Variants in TRIM42 observed in about 807,000 individuals in gnomAD.
The protein encoded by TRIM42 is tripartite motif containing 42, also known as tripartite motif-containing protein 42.
Under a neutral mutation model 64.9 loss-of-function variants are expected in TRIM42, and 59 were observed. The observed-to-expected ratio is 0.91, with a 90% CI of 0.74 to 1.13. The LOEUF is 1.13. Ranked by LOEUF, TRIM42 falls within the 50% of genes most tolerant of loss-of-function variation. The pLI, the probability that TRIM42 is intolerant of heterozygous loss-of-function variation, is 0.00. For synonymous variants in TRIM42, 354 were observed against 346.3 expected (o/e 1.02, Z -0.25); for missense variants, 878 against 929.5 (o/e 0.94, Z 0.72).
Position 140,684,120 on chromosome 3 carries a change from G to T in TRIM42, c.1039+961G>T, listed in dbSNP as rs547135675. Among the ~76,000 whole-genome samples, 18 of 152,212 alleles carry T rather than the reference G, an allele frequency of 1.2e-4. 1 individual carries two copies. The South Asian group carries it at 2.7e-3, about 23-fold the overall frequency. ...ATAAAGGTCCACTTTACTCAGGCCT[G>T]TGGAGCACATTTTGTCTAATCTCAA... On this transcript the variant is annotated intron_variant, in intron 2 of 4. Coordinates refer to ENST00000286349, the MANE Select transcript of TRIM42 (RefSeq NM_152616.5).
At chr3:140,690,311 A>T (rs1052173182) in intron 3 of TRIM42, among the ~76,000 whole-genome samples, 3 of 151,944 alleles carry the variant, frequency 2.0e-5, no homozygotes, top group Non-Finnish European at 4.4e-5. Context: ...GAAAATTATT[A>T]AAAATTCAGA....
Position 140,688,069 on chromosome 3 carries a change from C to A in TRIM42, c.1387C>A (p.Pro463Thr). The change falls in exon 3 of 5, where the codon CCT becomes ACT. Residue 463 changes from proline to threonine, a missense_variant. Transcript: ENST00000286349. The stretch of plus-strand genomic sequence containing the variant: ...GGACGGCATCCAGACCACCTACAGG[C>A]CTGACCCACAGCTCCGGCTGCACTC... Reference protein sequence around the residue: ...IEDGIQTTYRPDPQLRLHSIN... With the variant: ...IEDGIQTTYRTDPQLRLHSIN... 1 of 1,614,192 alleles carries A rather than the reference C, an allele frequency of 6.2e-7. No homozygotes were observed. The highest frequency in any genetic ancestry group is 8.5e-7 in the Non-Finnish European group (1 of 1,180,038).
At chr3:140,687,164 C>CA (rs1265522586) in intron 2 of TRIM42, among the ~76,000 whole-genome samples, 1 of 151,946 alleles carries the variant, frequency 6.6e-6, no homozygotes, top group Non-Finnish European at 1.5e-5. Context: ...AGCTGAACCA[C>CA]AAGAGGGACA....
chr3:140,681,865 G>GT (rs1159474221), intron 1 of TRIM42, among the ~76,000 whole-genome samples: 3 of 115,308 alleles, frequency 2.6e-5, no homozygotes, highest in Admixed American at 9.1e-5. Context: ...CCCAAAAGTT[G>GT]TTAAAAAAAA....
intron 2 of TRIM42, among the ~76,000 whole-genome samples, chr3:140,683,409 C>CTTT (rs1361234088): frequency 6.6e-6 from 1 of 152,236 alleles, no homozygotes; most frequent in Admixed American, 6.5e-5. Flanking sequence ...GTGACCCCCT[C>CTTT]ACTGGGTTGC....
At chr3:140,689,422 A>G (rs896577962) in intron 3 of TRIM42, among the ~76,000 whole-genome samples, 1 of 152,122 alleles carries the variant, frequency 6.6e-6, no homozygotes, top group Non-Finnish European at 1.5e-5. Context: ...AGACTTTCAG[A>G]TCCTTGAGTT....
chr3:140,699,872 A>C (rs1988953913), intron 4 of TRIM42, among the ~76,000 whole-genome samples: 2 of 152,228 alleles, frequency 1.3e-5, no homozygotes, highest in African/African-American at 2.4e-5. Context: ...AAAAGTAGAG[A>C]GCATAATGCT....
In TRIM42 at chr3:140,678,543, A is replaced by T. The variant is rs768937475; in HGVS notation, c.314A>T (p.Lys105Met). 2 of 1,613,872 alleles carry T rather than the reference A, an allele frequency of 1.2e-6. No individual in the cohort carries two copies. The highest frequency in any genetic ancestry group is 1.7e-5 in the Admixed American group (1 of 60,020). The change falls in exon 1 of 5, where the codon AAG (lysine) becomes ATG (methionine). Residue 105 changes from lysine to methionine, a missense_variant. By Grantham distance (95) the Lys-to-Met change is moderately conservative. Coordinates refer to ENST00000286349, the MANE Select transcript of TRIM42 (RefSeq NM_152616.5). ...CGCAATACCATCATCACTTTCCACAAGGGCCGCCTCAGGAGCATCCATACC... is the reference window on the plus strand; with the variant it reads ...CGCAATACCATCATCACTTTCCACATGGGCCGCCTCAGGAGCATCCATACC... ...CCRNTIITFH[K>M]GRLRSIHTSS... is the part of the protein sequence containing the mutation.
At chr3:140,699,579 T>G (rs748125675) in intron 4 of TRIM42, among the ~76,000 whole-genome samples, 1 of 152,188 alleles carries the variant, frequency 6.6e-6, no homozygotes, top group Non-Finnish European at 1.5e-5. Context: ...CATTCACATA[T>G]CACATACAGT....
intron 1 of TRIM42, among the ~76,000 whole-genome samples, chr3:140,678,845 A>T (rs1348349231): frequency 6.6e-6 from 1 of 152,152 alleles, no homozygotes; most frequent in African/African-American, 2.4e-5. Context: ...AGTAATAGCT[A>T]ATACTTAGTG....
In TRIM42 at chr3:140,678,134, G is replaced by A. The variant is rs1988251362; in HGVS notation, c.-96G>A. ...CTTTCAAGCTGACGGCCTCAGGAAT[G>A]GGAGGAAGGACTCCTCCACTGGAGA... is the stretch of plus-strand genomic sequence containing the variant. On this transcript the variant is annotated 5_prime_UTR_variant, in exon 1 of 5. It removes an upstream start codon present in the reference 5' UTR. Transcript: ENST00000286349. 4 of 1,134,762 alleles carry A rather than the reference G, an allele frequency of 3.5e-6. No individual in the cohort carries two copies. The Admixed American group carries it at 6.0e-5, about 17-fold the overall frequency. 70.3% of individuals were successfully genotyped at this position (1,134,762 alleles called of 1,614,324 possible).
chr3:140,683,400 T>A (rs1347853936), intron 2 of TRIM42, among the ~76,000 whole-genome samples: 1 of 152,240 alleles, frequency 6.6e-6, no homozygotes, highest in East Asian at 1.9e-4. Context: ...GGAATAGTAG[T>A]GACCCCCTCA....
rs1380618403 is a variant in TRIM42 at position 140,687,865 on chromosome 3, A to G, written c.1183A>G (p.Met395Val). 5 of 1,614,136 alleles carry G rather than the reference A, an allele frequency of 3.1e-6. No homozygotes were observed. In the African/African-American group the frequency reaches 4.0e-5, roughly 13 times the overall value. ...SILQEKEKII[M>V]EQIENLEVSR... ...TCTTCAGGAGAAAGAGAAGATCATCATGGAGCAGATAGAGAATCTAGAAGT... is the reference window on the plus strand; with the variant it reads ...TCTTCAGGAGAAAGAGAAGATCATCGTGGAGCAGATAGAGAATCTAGAAGT... The change falls in exon 3 of 5, where the codon ATG becomes GTG. Residue 395 changes from methionine (M) to valine (V), a missense_variant. By Grantham distance (21) the Met-to-Val change is conservative. Transcript: ENST00000286349.
At chr3:140,690,728 C>A (rs914005431) in intron 3 of TRIM42, among the ~76,000 whole-genome samples, 1 of 151,752 alleles carries the variant, frequency 6.6e-6, no homozygotes, top group Admixed American at 6.6e-5. Context: ...ACCTCCATGT[C>A]GACTGACAGT....
intron 2 of TRIM42, 130 bp downstream of exon 2, chr3:140,683,289 A>G: frequency 1.1e-6 from 1 of 939,188 alleles, no homozygotes; most frequent in Non-Finnish European, 1.6e-6. Context: ...GCACCAGGAA[A>G]CACTGTGCTA....
intron 4 of TRIM42, among the ~76,000 whole-genome samples, chr3:140,698,798 A>G (rs1210952562): frequency 6.6e-6 from 1 of 152,250 alleles, no homozygotes; most frequent in East Asian, 1.9e-4. Context: ...TTTCCCAGGC[A>G]TATGATCCTA....
At chr3:140,682,331 A>T (rs1988419905) in intron 1 of TRIM42, 131 bp from the exon 2 acceptor site, 2 of 833,876 alleles carry the variant, frequency 2.4e-6, no homozygotes, top group Non-Finnish European at 3.7e-6. Flanking sequence ...CAGGCACCTT[A>T]GCGCCCAGCT....
intron 4 of TRIM42, 110 bp downstream of exon 4, chr3:140,691,302 C>T (rs1473714987): frequency 2.2e-6 from 2 of 919,730 alleles, no homozygotes; most frequent in Non-Finnish European, 3.4e-6. Context: ...GACTCTTCCT[C>T]TAAGCACAGA....
intron 1 of TRIM42, chr3:140,680,629 C>T (rs1988363882): frequency 1.0e-6 from 1 of 966,260 alleles, no homozygotes; most frequent in Non-Finnish European, 1.2e-6. Flanking sequence ...TCCATCCAGG[C>T]ACTACATGGA....
Sources: allele counts gnomAD v4.1 joint callset (sites outside exome capture counted in the v4.1 genomes callset), GRCh38; gene constraint gnomAD v4.1.1; transcripts MANE v1.5; gene names NCBI Gene and HGNC (gene_info 2026-07-23, HGNC 2026-07-21).